The following MEIS3 variants were observed in gnomAD, a reference collection of about 807,000 sequenced individuals.
The protein encoded by MEIS3 is Meis homeobox 3, also known as homeobox protein Meis3.
MEIS3 carries 38 observed loss-of-function variants against 51.4 expected under a neutral mutation model. The ratio of observed to expected loss-of-function variants is 0.74; its 90% CI spans 0.57 to 0.97. The LOEUF (loss-of-function observed/expected upper bound fraction) is 0.97, where lower values mean the gene tolerates loss of function less well. Ranked by LOEUF, MEIS3 falls within the 50% of genes least tolerant of loss-of-function variation. The pLI is 0.00. For missense variants in MEIS3, 456 were observed against 502.6 expected (o/e 0.91, Z 0.89); for synonymous variants, 198 against 201.8 (o/e 0.98, Z 0.16).
At chr19:47,421,050 G>A (rs1347612120), upstream of MEIS3, among the ~76,000 whole-genome samples, 1 of 151,600 alleles carries the variant, frequency 6.6e-6, no homozygotes, top group Non-Finnish European at 1.5e-5. Context: ...GCCAGGCCTG[G>A]TGCTGGAGCG....
rs1407892801 is a variant in MEIS3, at chr19:47,409,099, C to T, written c.858G>A (p.Ser286=). 5.6e-6 allele frequency: 9 copies of T among 1,609,150 alleles called. No homozygotes were observed. Among genetic ancestry groups the T allele is most frequent in the Non-Finnish European group, 5.9e-6 (7 of 1,179,920 alleles). ...IMRAWLFQHL[S]HPYPSEEQKK... is the part of the protein sequence containing the mutation. ...TGCACCTGGGCAGCAGGGCTCTCAC[C>T]GAGAGGTGCTGGAACAACCAGGCTC... Residue 286 remains serine (S), a splice_region_variant and synonymous_variant, in exon 8 of 13, where the codon TCG becomes TCA. Coordinates refer to ENST00000558555, the MANE Select transcript of MEIS3 (RefSeq NM_001301059.2).
Position 47,414,707 on chromosome 19 carries a change from C to T in MEIS3, c.597+10G>A. ...TGCAGGACGATGCCTGGTGCCCGTC[C>T]CGGGCCCACCTGGTCTGGGAGGCTG... On this transcript the variant is annotated intron_variant, in intron 6 of 12. Coordinates refer to ENST00000558555, the MANE Select transcript of MEIS3 (RefSeq NM_001301059.2). 2 of 1,583,924 alleles carry T rather than the reference C, an allele frequency of 1.3e-6. No homozygotes were observed. The highest frequency in any genetic ancestry group is 8.6e-7 in the Non-Finnish European group (1 of 1,166,152).
chr19:47,414,338 C>T (rs143012963), intron 6 of MEIS3, among the ~76,000 whole-genome samples: 10 of 152,180 alleles, frequency 6.6e-5, no homozygotes, highest in Admixed American at 1.3e-4. Flanking sequence ...GTGCGGAACC[C>T]GGCTGTGTGT....
upstream of MEIS3, among the ~76,000 whole-genome samples, chr19:47,420,908 T>TCACACA (rs1214820030): frequency 1.9e-4 from 18 of 95,806 alleles, no homozygotes; most frequent in South Asian, 3.8e-4. Flanking sequence ...TCTCTCTCTC[T>TCACACA]CTCACACACA....
intron 6 of MEIS3, among the ~76,000 whole-genome samples, chr19:47,412,785 G>A (rs1026718580): frequency 2.0e-5 from 3 of 151,802 alleles, no homozygotes; most frequent in African/African-American, 4.8e-5. Context: ...GGCCTGGCTG[G>A]TCTCAAACTC....
chr19:47,416,846 G>A lies in MEIS3; in HGVS notation c.303C>T (p.Ser101=). Residue 101 remains serine, a synonymous_variant, in exon 3 of 13, where the codon TCC becomes TCT. Transcript: ENST00000558555. ...CGATGTCCTCGTTGAAGGAATCAGA[G>A]GAGCAGACGTCACCTCCAGGGGGTG... ...LGTPPGGDVC[S]SDSFNEDIAA... is the part of the protein sequence containing the mutation. 6.2e-7 allele frequency: 1 copy of A among 1,614,058 alleles called. No homozygotes were observed. Among genetic ancestry groups the A allele is most frequent in the Non-Finnish European group, 8.5e-7 (1 of 1,179,990 alleles).
chr19:47,418,746 G>T (rs1295638954), intron 1 of MEIS3: 2 of 247,610 alleles, frequency 8.1e-6, no homozygotes, highest in Non-Finnish European at 1.5e-5. Context: ...GCAGAAAGAG[G>T]GGGGAGACCA....
chr19:47,415,566 TCTCTC>T (rs1971366889), intron 4 of MEIS3, among the ~76,000 whole-genome samples: 3 of 129,988 alleles, frequency 2.3e-5, no homozygotes, highest in African/African-American at 8.7e-5. Flanking sequence ...TTCTTCTCTC[TCTCTC>T]TCTTTTTTTT....
upstream of MEIS3, among the ~76,000 whole-genome samples, chr19:47,420,904 TCTCTCTCACACACACA>T (rs1476709747): frequency 9.7e-5 from 9 of 92,660 alleles, no homozygotes; most frequent in African/African-American, 3.4e-4. Flanking sequence ...TCTCTCTCTC[TCTCTCTCACACACACA>T]CACACACACA....
chr19:47,418,941 G>A, intron 1 of MEIS3, 129 bp downstream of exon 1: 1 of 522,880 alleles, frequency 1.9e-6, no homozygotes, highest in Non-Finnish European at 2.9e-6. Context: ...GGCGGAGGGA[G>A]GGGCAGAGAG....
chr19:47,404,431 C>G (rs1469730933), intron 12 of MEIS3, among the ~76,000 whole-genome samples: 1 of 152,110 alleles, frequency 6.6e-6, no homozygotes, highest in Admixed American at 6.5e-5. Flanking sequence ...CACTCTCATC[C>G]CCAGGGCTTT....
rs756710467 is a variant in MEIS3, at chr19:47,417,506, A to C, written c.13-156T>G. 64 of 928,946 alleles carry C rather than the reference A, an allele frequency of 6.9e-5. 3 individuals are homozygous for C. In the South Asian group the frequency reaches 8.9e-4, roughly 13 times the overall value. The allele number at this position is 928,946 out of a possible 1,614,324, so 57.5% of individuals were successfully genotyped here. A position where few individuals can be genotyped will look rare whatever the true frequency, so the allele number is the denominator to read the frequency against. ...CCAGGTGTCTGAGCCCCCAAGCTTG[A>C]AGCCCTCCAGGTCCCCTGGAGCTGC... On this transcript the variant is annotated intron_variant, in intron 1 of 12. Transcript: ENST00000558555.
At position 47,417,351 on chromosome 19, in the gene MEIS3, C is replaced by T; in HGVS notation, c.13-1G>A. On this transcript the variant is annotated splice_acceptor_variant, in intron 1 of 12. Coordinates refer to ENST00000558555, the MANE Select transcript of MEIS3 (RefSeq NM_001301059.2). LOFTEE classifies it high-confidence loss of function. ...CTGGGTAGTGCGGCAGCTCATCATA[C>T]TGGGGGAAGGTGAGAAGAGAAGGGC... is the stretch of plus-strand genomic sequence containing the variant. The T allele has an allele frequency of 6.2e-7, 1 of 1,613,104 alleles. No individual in the cohort carries two copies.
intron 3 of MEIS3, 50 bp downstream of exon 3, chr19:47,416,754 C>T: frequency 6.2e-7 from 1 of 1,612,710 alleles, no homozygotes; most frequent in Non-Finnish European, 8.5e-7. Context: ...TCCACCCACC[C>T]CTCCTCGCTG....
At chr19:47,420,304 A>G (rs1318430167), upstream of MEIS3, among the ~76,000 whole-genome samples, 1 of 152,216 alleles carries the variant, frequency 6.6e-6, no homozygotes, top group Non-Finnish European at 1.5e-5. Context: ...TGCAAGGGTT[A>G]GGAGTCTCTG....
Position 47,417,252 on chromosome 19 carries a change from C to G in MEIS3, c.111G>C (p.Pro37=), listed in dbSNP as rs141406778. 4 of 1,607,402 alleles carry G rather than the reference C, an allele frequency of 2.5e-6. No individual in the cohort carries two copies. In the African/African-American group the frequency reaches 4.0e-5, roughly 16 times the overall value. Reference sequence around the variant, plus strand: ...GGGGCAGGGGCTGGGGAGGCCGGTGCGGGCCATAGGGCCCTGGTACTGCGG... The same window carrying G: ...GGGGCAGGGGCTGGGGAGGCCGGTGGGGGCCATAGGGCCCTGGTACTGCGG... The part of the protein sequence containing the change: ...TVPAVPGPYG[P]HRPPQPLPPG... Residue 37 remains proline (P), a synonymous_variant, in exon 2 of 13, where the codon CCG becomes CCC. Coordinates refer to ENST00000558555, the MANE Select transcript of MEIS3 (RefSeq NM_001301059.2).
At chr19:47,409,785 C>T (rs1599808032) in intron 6 of MEIS3, among the ~76,000 whole-genome samples, 1 of 151,692 alleles carries the variant, frequency 6.6e-6, no homozygotes, top group Non-Finnish European at 1.5e-5. Context: ...ATCGCTTGAA[C>T]CCGGGAGGCA....
chr19:47,405,331 C>T (rs942226386), intron 12 of MEIS3, among the ~76,000 whole-genome samples: 3 of 152,168 alleles, frequency 2.0e-5, no homozygotes, highest in Non-Finnish European at 4.4e-5. Flanking sequence ...CCTACTCTGC[C>T]CAGTGGACTC....
intron 6 of MEIS3, among the ~76,000 whole-genome samples, chr19:47,411,542 CTT>C (rs1249273264): frequency 1.9e-4 from 18 of 95,966 alleles, no homozygotes; most frequent in Admixed American, 2.2e-4. Flanking sequence ...TTTTTCTTTT[CTT>C]TTTTTTTTTT....
Sources: gnomAD v4.1 joint callset for allele counts (sites outside exome capture counted in the v4.1 genomes callset) on GRCh38, gnomAD v4.1.1 for gene constraint, MANE v1.5 for transcripts, NCBI Gene and HGNC (gene_info 2026-07-23, HGNC 2026-07-21) for gene names.